The following CSMD1 variants were observed in gnomAD, a reference collection of about 807,000 sequenced individuals.
CSMD1 encodes the protein CUB and Sushi multiple domains 1.
Under a neutral mutation model 417.5 loss-of-function variants are expected in CSMD1, and 213 were observed. The observed-to-expected ratio is 0.51, with a 90% CI of 0.46 to 0.57. The LOEUF (loss-of-function observed/expected upper bound fraction) is 0.57. Among genes scored for constraint, CSMD1 ranks in the 20% least tolerant of loss-of-function variants. The probability of loss-of-function intolerance (pLI) is 0.00; values close to 1 mark genes in which losing one functional copy is unlikely to be tolerated. For missense variants in CSMD1, 6,923 were observed against 4,529.7 expected (o/e 1.53, Z -15.17); for synonymous variants, 2,862 against 1,736.8 (o/e 1.65, Z -16.11).
intron 5 of CSMD1, among the ~76,000 whole-genome samples, chr8:3,774,319 G>C (rs1029912279): frequency 5.9e-5 from 9 of 152,060 alleles, no homozygotes; most frequent in African/African-American, 1.4e-4. Flanking sequence ...GGTTTCAGTA[G>C]AGTACACAGT....
At chr8:3,673,863 A>C (rs1215958523) in intron 7 of CSMD1, among the ~76,000 whole-genome samples, 1 of 152,046 alleles carries the variant, frequency 6.6e-6, no homozygotes, top group Admixed American at 6.6e-5. Flanking sequence ...CACCCCTGTA[A>C]TCCTAGCACT....
intron 1 of CSMD1, among the ~76,000 whole-genome samples, chr8:4,725,972 C>A (rs1440015912): frequency 6.6e-6 from 1 of 152,126 alleles, no homozygotes; most frequent in Non-Finnish European, 1.5e-5. Flanking sequence ...TTAGGATTTA[C>A]AGTGGAATTT....
intron 1 of CSMD1, among the ~76,000 whole-genome samples, chr8:4,983,741 G>A (rs1811022461): frequency 6.6e-6 from 1 of 151,788 alleles, no homozygotes; most frequent in Admixed American, 6.6e-5. Flanking sequence ...ATTTTTTAAA[G>A]GACCCTAAAC....
At chr8:3,581,887 C>T (rs866009756) in intron 9 of CSMD1, among the ~76,000 whole-genome samples, 10 of 152,130 alleles carry the variant, frequency 6.6e-5, no homozygotes, top group Admixed American at 2.0e-4. Context: ...TTACTGCAAC[C>T]GCCACCTTCG....
chr8:4,816,267 C>G (rs1420518527), intron 1 of CSMD1, among the ~76,000 whole-genome samples: 1 of 152,044 alleles, frequency 6.6e-6, no homozygotes, highest in Non-Finnish European at 1.5e-5. Flanking sequence ...TCACTGCAAA[C>G]TCTGCCTCCT....
intron 12 of CSMD1, among the ~76,000 whole-genome samples, chr8:3,424,993 C>T (rs1813735099): frequency 6.6e-6 from 1 of 152,116 alleles, no homozygotes; most frequent in South Asian, 2.1e-4. Context: ...TGCCACCACA[C>T]CCAGATAATG....
chr8:3,813,202 G>T (rs552264077), intron 5 of CSMD1, among the ~76,000 whole-genome samples: 1 of 151,014 alleles, frequency 6.6e-6, no homozygotes, highest in African/African-American at 2.4e-5. Context: ...CTTCAGTCAG[G>T]TATCCTTGCT....
chr8:4,931,262 T>C (rs1253408554), intron 1 of CSMD1, among the ~76,000 whole-genome samples: 1 of 152,218 alleles, frequency 6.6e-6, no homozygotes, highest in African/African-American at 2.4e-5. Context: ...AACATTTCTG[T>C]GTTTGACATT....
intron 3 of CSMD1, among the ~76,000 whole-genome samples, chr8:4,395,574 G>C (rs1009525089): frequency 6.6e-6 from 1 of 151,894 alleles, no homozygotes; most frequent in African/African-American, 2.4e-5. Flanking sequence ...TGAAAGAAAG[G>C]CCAAGAGGAG....
chr8:4,186,167 G>T (rs1051924925), intron 3 of CSMD1, among the ~76,000 whole-genome samples: 4 of 152,168 alleles, frequency 2.6e-5, no homozygotes, highest in Non-Finnish European at 4.4e-5. Flanking sequence ...ATGAGAAGCA[G>T]TCAAGGTGCC....
rs1043114097 is a variant in CSMD1 at position 4,209,615 on chromosome 8, G to A, written c.416-177516C>T. 5.3e-5 allele frequency among the ~76,000 whole-genome samples: 8 copies of A among 152,246 alleles called. No homozygotes were observed. The East Asian group carries it at 7.7e-4, about 15-fold the overall frequency. ...TTCCCTGTCCCCGTGATGCAGGAAAGACAAGCCCCCGAATTGGGGCTTAGC... is the reference window on the plus strand; with the variant it reads ...TTCCCTGTCCCCGTGATGCAGGAAAAACAAGCCCCCGAATTGGGGCTTAGC... On this transcript the variant is annotated intron_variant, in intron 3 of 69. Coordinates refer to ENST00000635120, the MANE Select transcript of CSMD1 (RefSeq NM_033225.6).
At chr8:4,592,806 C>A (rs936747698) in intron 2 of CSMD1, among the ~76,000 whole-genome samples, 2 of 152,126 alleles carry the variant, frequency 1.3e-5, no homozygotes, top group African/African-American at 4.8e-5. Flanking sequence ...TCTACCAATA[C>A]ACGAAATATC....
chr8:4,963,307 C>A (rs141152027), intron 1 of CSMD1, among the ~76,000 whole-genome samples: 2 of 152,184 alleles, frequency 1.3e-5, no homozygotes, highest in Non-Finnish European at 2.9e-5. Flanking sequence ...TTCAAGCAAT[C>A]ATGTGCCTCA....
At chr8:4,695,125 A>G (rs549068561) in intron 1 of CSMD1, among the ~76,000 whole-genome samples, 3 of 152,274 alleles carry the variant, frequency 2.0e-5, no homozygotes, top group East Asian at 1.9e-4. Context: ...AACTTCGACC[A>G]CCGTGACTTA....
intron 23 of CSMD1, among the ~76,000 whole-genome samples, chr8:3,317,248 C>G (rs751202153): frequency 1.2e-4 from 19 of 152,140 alleles, no homozygotes; most frequent in Non-Finnish European, 2.6e-4. Flanking sequence ...TTGATAACAC[C>G]TGTTATGAAA....
chr8:3,885,057 T>C (rs750203410), intron 5 of CSMD1, among the ~76,000 whole-genome samples: 3 of 151,950 alleles, frequency 2.0e-5, no homozygotes, highest in African/African-American at 4.8e-5. Context: ...GTGTCTATGA[T>C]TCTACCATGC....
At chr8:3,335,307 A>G (rs373719739) in intron 23 of CSMD1, among the ~76,000 whole-genome samples, 1 of 152,224 alleles carries the variant, frequency 6.6e-6, no homozygotes. Context: ...GCACAGTGAC[A>G]GGATCAATTT....
At chr8:4,257,792 C>T (rs1203900892) in intron 3 of CSMD1, among the ~76,000 whole-genome samples, 1 of 152,174 alleles carries the variant, frequency 6.6e-6, no homozygotes, top group Non-Finnish European at 1.5e-5. Context: ...AGGAATGCCA[C>T]TAGCATTTAA....
intron 1 of CSMD1, among the ~76,000 whole-genome samples, chr8:4,737,185 G>A (rs558113449): frequency 7.2e-5 from 11 of 152,278 alleles, no homozygotes; most frequent in South Asian, 2.1e-4. Flanking sequence ...GTCCTCTGCA[G>A]GGACATGGAT....
Sources: gnomAD v4.1 joint callset for allele counts (sites outside exome capture counted in the v4.1 genomes callset) on GRCh38, gnomAD v4.1.1 for gene constraint, MANE v1.5 for transcripts, NCBI Gene and HGNC (gene_info 2026-07-23, HGNC 2026-07-21) for gene names.